The following ARHGAP22 variants were observed in gnomAD, a reference collection of about 807,000 sequenced individuals.
ARHGAP22 encodes Rho GTPase activating protein 22, also known as rho GTPase-activating protein 22.
A neutral mutation model predicts 59.1 loss-of-function variants in ARHGAP22; 48 were observed. The ratio of observed to expected loss-of-function variants is 0.81; its 90% CI spans 0.64 to 1.03. The LOEUF (loss-of-function observed/expected upper bound fraction) is 1.03, where lower values mean the gene tolerates loss of function less well. Among genes scored for constraint, ARHGAP22 ranks in the 50% least tolerant of loss-of-function variants. The pLI is 0.00. For synonymous variants in ARHGAP22, 445 were observed against 416.4 expected (o/e 1.07, Z -0.84); for missense variants, 1,015 against 958.7 (o/e 1.06, Z -0.78).
intron 2 of ARHGAP22, among the ~76,000 whole-genome samples, chr10:48,573,735 C>T (rs1235757495): frequency 1.3e-5 from 2 of 152,192 alleles, no homozygotes; most frequent in African/African-American, 2.4e-5. Context: ...TTCCATTTGT[C>T]CAATGCTTAG....
chr10:48,477,745 G>C (rs762495013), intron 4 of ARHGAP22, among the ~76,000 whole-genome samples: 10 of 152,174 alleles, frequency 6.6e-5, no homozygotes, highest in Non-Finnish European at 1.2e-4. Flanking sequence ...TTGTGCGCAG[G>C]AGCCTATGTT....
chr10:48,555,968 C>A (rs971646315), intron 2 of ARHGAP22, among the ~76,000 whole-genome samples: 2 of 152,204 alleles, frequency 1.3e-5, no homozygotes, highest in Non-Finnish European at 1.5e-5. Flanking sequence ...GATCTGTGTG[C>A]GTCCAGTCCT....
chr10:48,441,268 A>G (rs2045194704), downstream of ARHGAP22, among the ~76,000 whole-genome samples: 1 of 152,148 alleles, frequency 6.6e-6, no homozygotes, highest in African/African-American at 2.4e-5. Flanking sequence ...CCTGTTGGAT[A>G]TACCACTTTA....
intron 1 of ARHGAP22, among the ~76,000 whole-genome samples, chr10:48,614,013 AG>A (rs1565001127): frequency 6.6e-6 from 1 of 152,058 alleles, no homozygotes; most frequent in African/African-American, 2.4e-5. Flanking sequence ...CATAGCATGA[AG>A]GCCCTCACCA....
intron 3 of ARHGAP22, among the ~76,000 whole-genome samples, chr10:48,534,135 C>T (rs1386545257): frequency 1.3e-5 from 2 of 152,224 alleles, no homozygotes; most frequent in African/African-American, 2.4e-5. Flanking sequence ...TTCCCCAGCT[C>T]GGGCCAATGG....
intron 4 of ARHGAP22, among the ~76,000 whole-genome samples, chr10:48,474,675 G>T (rs371551123): frequency 2.5e-5 from 3 of 119,830 alleles, no homozygotes; most frequent in Non-Finnish European, 5.3e-5. Flanking sequence ...TCATTAAAGG[G>T]TGCTGGATTT....
chr10:48,462,226 C>T (rs2047205160), intron 4 of ARHGAP22, among the ~76,000 whole-genome samples: 2 of 103,330 alleles, frequency 1.9e-5, no homozygotes, highest in South Asian at 3.0e-4. Flanking sequence ...CTTGTGTGTG[C>T]ATGGGTATGC....
intron 4 of ARHGAP22, among the ~76,000 whole-genome samples, chr10:48,471,259 C>A (rs1440484706): frequency 2.0e-5 from 3 of 152,170 alleles, no homozygotes; most frequent in Non-Finnish European, 4.4e-5. Flanking sequence ...TACTGCCTGT[C>A]TCCGGCCCCC....
At chr10:48,574,082 C>T (rs1050834020) in intron 2 of ARHGAP22, among the ~76,000 whole-genome samples, 1 of 152,280 alleles carries the variant, frequency 6.6e-6, no homozygotes, top group Non-Finnish European at 1.5e-5. Flanking sequence ...AAAACCTCAC[C>T]TTGTTGGGCT....
upstream of ARHGAP22, among the ~76,000 whole-genome samples, chr10:48,605,513 G>A (rs2060637895): frequency 6.6e-6 from 1 of 152,198 alleles, no homozygotes; most frequent in African/African-American, 2.4e-5. Context: ...AAGGTGACAG[G>A]AATAAGAGGG....
chr10:48,655,013 T>C (rs1393646697), upstream of ARHGAP22, among the ~76,000 whole-genome samples: 27 of 65,774 alleles, frequency 4.1e-4, 1 homozygote, highest in African/African-American at 1.6e-3. Flanking sequence ...TCTTTCTCTT[T>C]CTTTCTTTCT....
chr10:48,624,780 C>A (rs950871340), intron 1 of ARHGAP22: 3 of 152,244 alleles, frequency 2.0e-5, no homozygotes, highest in African/African-American at 4.8e-5. Flanking sequence ...GAGATCAGCT[C>A]AGTAAGAGTG....
intron 3 of ARHGAP22, among the ~76,000 whole-genome samples, chr10:48,498,096 C>T (rs967469181): frequency 1.3e-5 from 2 of 152,142 alleles, no homozygotes; most frequent in African/African-American, 4.8e-5. Flanking sequence ...CATAAGGCTC[C>T]CTGCGGGTAA....
intron 3 of ARHGAP22, among the ~76,000 whole-genome samples, chr10:48,523,869 G>A (rs927457608): frequency 5.9e-5 from 9 of 152,144 alleles, no homozygotes; most frequent in African/African-American, 1.9e-4. Flanking sequence ...CGCGCCCCGA[G>A]TGAAGGGGAG....
intron 2 of ARHGAP22, among the ~76,000 whole-genome samples, chr10:48,559,449 CTAA>C (rs1225962243): frequency 6.6e-6 from 1 of 152,216 alleles, no homozygotes; most frequent in African/African-American, 2.4e-5. Context: ...GTGTAAGTAG[CTAA>C]TGGACAAAGG....
intron 7 of ARHGAP22, 65 bp downstream of exon 7, chr10:48,454,022 CT>C (rs1163612397): frequency 6.6e-7 from 1 of 1,510,404 alleles, no homozygotes; most frequent in Non-Finnish European, 9.2e-7. Flanking sequence ...GCGTGTCTCG[CT>C]GTGGGGTTGG....
intron 3 of ARHGAP22, among the ~76,000 whole-genome samples, chr10:48,490,013 G>A (rs2050223584): frequency 6.6e-6 from 1 of 152,152 alleles, no homozygotes; most frequent in Non-Finnish European, 1.5e-5. Context: ...GATTACAGGT[G>A]TAAGCCACCA....
chr10:48,529,481 G>A (rs980804395), intron 3 of ARHGAP22, among the ~76,000 whole-genome samples: 2 of 152,224 alleles, frequency 1.3e-5, no homozygotes, highest in Non-Finnish European at 2.9e-5. Context: ...GTCAGGGAAA[G>A]CACCCCCTTG....
At chr10:48,539,608 T>C (rs2055740190) in intron 3 of ARHGAP22, among the ~76,000 whole-genome samples, 1 of 152,240 alleles carries the variant, frequency 6.6e-6, no homozygotes, top group African/African-American at 2.4e-5. Flanking sequence ...TTAACATTTA[T>C]ATTTCACAGA....
Sources: gnomAD v4.1 joint callset for allele counts (sites outside exome capture counted in the v4.1 genomes callset) on GRCh38, gnomAD v4.1.1 for gene constraint, MANE v1.5 for transcripts, NCBI Gene and HGNC (gene_info 2026-07-23, HGNC 2026-07-21) for gene names.